The following HDAC9 variants were observed in gnomAD, a reference collection of about 807,000 sequenced individuals.
HDAC9 encodes the protein histone deacetylase 9, also known as MEF-2 interacting transcription repressor (MITR) protein.
A neutral mutation model predicts 139.4 loss-of-function variants in HDAC9; 41 were observed. The ratio of observed to expected loss-of-function variants is 0.29; its 90% CI spans 0.23 to 0.38. The LOEUF is 0.38. HDAC9 is among the 10% of genes least tolerant of loss of function. HDAC9 has a pLI of 1.00. For missense variants in HDAC9, 1,147 were observed against 1,297.0 expected (o/e 0.88, Z 1.78); for synonymous variants, 517 against 476.2 (o/e 1.09, Z -1.12).
chr7:18,245,290 G>A (rs913757683), intron 2 of HDAC9, among the ~76,000 whole-genome samples: 5 of 152,298 alleles, frequency 3.3e-5, no homozygotes, highest in African/African-American at 1.2e-4. Context: ...CACATCAGAG[G>A]CTATGCTATC....
chr7:18,785,829 C>A (rs571535685), intron 16 of HDAC9, among the ~76,000 whole-genome samples: 1 of 151,910 alleles, frequency 6.6e-6, no homozygotes, highest in Non-Finnish European at 1.5e-5. Flanking sequence ...GCTGAATAAC[C>A]TCTGAATTTC....
intron 23 of HDAC9, among the ~76,000 whole-genome samples, chr7:18,937,030 A>ATTTTTTTTTTTTTTTTTTTTTTTTTT (rs768350029): frequency 1.0e-5 from 1 of 96,696 alleles, no homozygotes; most frequent in Non-Finnish European, 1.9e-5. Context: ...GCTCTTGTTA[A>ATTTTTTTTTTTTTTTTTTTTTTTTTT]TTTTTTTTTT....
At chr7:18,120,932 C>G (rs1223110723) in intron 1 of HDAC9, among the ~76,000 whole-genome samples, 1 of 152,118 alleles carries the variant, frequency 6.6e-6, no homozygotes, top group Non-Finnish European at 1.5e-5. Flanking sequence ...TACTTCCACA[C>G]TGGCAGTAAG....
chr7:18,426,516 T>C (rs1790131025), intron 1 of HDAC9, among the ~76,000 whole-genome samples: 1 of 152,198 alleles, frequency 6.6e-6, no homozygotes, highest in Non-Finnish European at 1.5e-5. Flanking sequence ...TGGGTTACCA[T>C]ATTTAGATCA....
At chr7:18,762,357 C>T (rs989330360) in intron 15 of HDAC9, 80 bp downstream of exon 15, 9 of 1,517,512 alleles carry the variant, frequency 5.9e-6, no homozygotes, top group Non-Finnish European at 8.1e-6. Flanking sequence ...GTTCAAAATA[C>T]TTGGCAAGTA....
At chr7:18,270,609 C>T (rs1796292742) in intron 2 of HDAC9, among the ~76,000 whole-genome samples, 1 of 151,942 alleles carries the variant, frequency 6.6e-6, no homozygotes, top group African/African-American at 2.4e-5. Flanking sequence ...CTTACATAAT[C>T]ATCTGTTTTT....
intron 2 of HDAC9, among the ~76,000 whole-genome samples, chr7:18,185,787 G>C (rs549853655): frequency 1.3e-5 from 2 of 152,140 alleles, no homozygotes; most frequent in South Asian, 2.1e-4. Flanking sequence ...GAGTAAATGG[G>C]ACACTTGCAG....
chr7:18,459,021 A>AT, intron 1 of HDAC9: 1 of 733,306 alleles, frequency 1.4e-6, no homozygotes, highest in Non-Finnish European at 2.3e-6. Flanking sequence ...TGGCCAAGAT[A>AT]TGCTTGACCC....
At chr7:18,484,853 T>TAAA (rs71553929) in intron 1 of HDAC9, among the ~76,000 whole-genome samples, 1 of 139,302 alleles carries the variant, frequency 7.2e-6, no homozygotes, top group Non-Finnish European at 1.6e-5. Context: ...ACCCCACCTG[T>TAAA]AAAAAAAAAA....
chr7:18,425,780 A>G (rs545401916), intron 1 of HDAC9, among the ~76,000 whole-genome samples: 1 of 152,234 alleles, frequency 6.6e-6, no homozygotes, highest in Non-Finnish European at 1.5e-5. Flanking sequence ...GGCCCTTTCT[A>G]GAACGAACTG....
At chr7:18,138,317 C>G (rs1416785391) in intron 1 of HDAC9, among the ~76,000 whole-genome samples, 2 of 151,970 alleles carry the variant, frequency 1.3e-5, no homozygotes, top group African/African-American at 4.8e-5. Flanking sequence ...CTATTAATAC[C>G]TGTGTGCCTC....
chr7:18,282,659 G>T (rs1797174047), intron 2 of HDAC9, among the ~76,000 whole-genome samples: 1 of 152,056 alleles, frequency 6.6e-6, no homozygotes, highest in Non-Finnish European at 1.5e-5. Flanking sequence ...ATTCCATGAG[G>T]CAAAAGGATG....
chr7:18,663,929 G>A (rs547321681), intron 11 of HDAC9, among the ~76,000 whole-genome samples: 3 of 152,082 alleles, frequency 2.0e-5, no homozygotes, highest in Non-Finnish European at 2.9e-5. Context: ...CTCTCTCTCT[G>A]AATAATGAGC....
chr7:18,261,566 C>T (rs971298925), intron 2 of HDAC9, among the ~76,000 whole-genome samples: 3 of 152,222 alleles, frequency 2.0e-5, no homozygotes, highest in African/African-American at 7.2e-5. Context: ...TTCTTATCTT[C>T]ATTCCCACTC....
At chr7:18,559,879 T>A (rs1198109692) in intron 2 of HDAC9, among the ~76,000 whole-genome samples, 1 of 152,234 alleles carries the variant, frequency 6.6e-6, no homozygotes, top group Non-Finnish European at 1.5e-5. Flanking sequence ...ATGCTGGCTA[T>A]ACCACCTAAA....
intron 2 of HDAC9, chr7:18,502,374 G>A (rs1798622526): frequency 6.6e-6 from 1 of 152,250 alleles, no homozygotes; most frequent in South Asian, 2.1e-4. Context: ...CCATGACTGA[G>A]CTGGGAAGGC....
At chr7:18,946,739 G>A (rs1432462097) in intron 23 of HDAC9, among the ~76,000 whole-genome samples, 4 of 152,078 alleles carry the variant, frequency 2.6e-5, no homozygotes, top group African/African-American at 9.7e-5. Context: ...ACGTCTCTCA[G>A]TAACTGATAA....
chr7:18,228,203 A>C, intron 2 of HDAC9, among the ~76,000 whole-genome samples: 1 of 152,250 alleles, frequency 6.6e-6, no homozygotes, highest in Middle Eastern at 3.4e-3. Context: ...GGGTTGTTTA[A>C]TACTCCAAGA....
exon 2 of HDAC9, chr7:18,162,262 T>C: frequency 5.5e-6 from 8 of 1,464,886 alleles, no homozygotes; most frequent in Non-Finnish European, 7.4e-6. Context: ...TGGACCATTG[T>C]CAGCAGTTGA....
Sources: allele counts gnomAD v4.1 joint callset (sites outside exome capture counted in the v4.1 genomes callset), GRCh38; gene constraint gnomAD v4.1.1; transcripts MANE v1.5; gene names NCBI Gene and HGNC (gene_info 2026-07-23, HGNC 2026-07-21).